The following ATXN10 variants were observed in gnomAD, a reference collection of about 807,000 sequenced individuals.
ATXN10 encodes the protein ataxin-10.
In ATXN10, 28 loss-of-function variants were observed where a neutral mutation model predicts 52.9. The ratio of observed to expected loss-of-function variants is 0.53; its 90% confidence interval spans 0.39 to 0.73. ATXN10 has a LOEUF of 0.73. Ranked by LOEUF, ATXN10 falls within the 30% of genes least tolerant of loss-of-function variation. The pLI, the probability that ATXN10 is intolerant of heterozygous loss-of-function variation, is 0.00. For missense variants in ATXN10, 565 were observed against 577.0 expected, an observed-to-expected ratio of 0.98 and a Z score of 0.21; for synonymous variants, 226 against 221.5, an observed-to-expected ratio of 1.02 and a Z score of -0.18.
At chr22:45,756,303 C>T (rs542083940) in intron 9 of ATXN10, among the ~76,000 whole-genome samples, 1 of 152,246 alleles carries the variant, frequency 6.6e-6, no homozygotes, top group Admixed American at 6.5e-5. Flanking sequence ...CACCACCATG[C>T]CTGGCTAATG....
chr22:45,771,608 G>A (rs1358206413), intron 9 of ATXN10, among the ~76,000 whole-genome samples: 1 of 151,918 alleles, frequency 6.6e-6, no homozygotes, highest in Non-Finnish European at 1.5e-5. Context: ...GTAGAGACAA[G>A]ATTTCACCAT....
In ATXN10 at chr22:45,757,147, G is replaced by A. The variant is rs546190265; in HGVS notation, c.1173+16609G>A. 3.7e-4 allele frequency among the ~76,000 whole-genome samples: 56 copies of A among 152,256 alleles called. 1 individual carries two copies. Among genetic ancestry groups the A allele is most frequent in the Middle Eastern group, 3.4e-3 (1 of 294 alleles). On this transcript the variant is annotated intron_variant, in intron 9 of 11. Coordinates refer to ENST00000252934, the MANE Select transcript of ATXN10 (RefSeq NM_013236.4). This position sits in a 1 kb window ranked among gnomAD's most constrained non-coding sequence, Gnocchi z 4.6. ...TGGGGCTGGGGCTGTGGAGGCGGACGACTGGGGAGTCTGATGGGGAGGTGG... is the reference window on the plus strand; with the variant it reads ...TGGGGCTGGGGCTGTGGAGGCGGACAACTGGGGAGTCTGATGGGGAGGTGG...
intron 10 of ATXN10, among the ~76,000 whole-genome samples, chr22:45,829,856 A>T (rs1235287216): frequency 1.3e-5 from 2 of 152,212 alleles, no homozygotes; most frequent in African/African-American, 4.8e-5. Flanking sequence ...TTTTTTGCAG[A>T]TATAGAAAAA....
chr22:45,757,177 C>T lies in ATXN10; in HGVS notation c.1173+16639C>T, dbSNP rs1444001131. Among the ~76,000 whole-genome samples, 1 of 151,660 alleles carries T rather than the reference C, an allele frequency of 6.6e-6. No individual in the cohort carries two copies. The highest frequency in any genetic ancestry group is 2.4e-5 in the African/African-American group (1 of 41,244). ...GGGAGTCTGATGGGGAGGTGGGTGG[C>T]GGGGGTGTTGACAGGAAAAATCCGA... On this transcript the variant is annotated intron_variant, in intron 9 of 11. Coordinates refer to ENST00000252934, the MANE Select transcript of ATXN10 (RefSeq NM_013236.4). The surrounding 1 kb of genome is among the most constrained non-coding windows in gnomAD (Gnocchi z 4.6).
In ATXN10 at chr22:45,820,904, AG is replaced by A. The variant is rs540585649; in HGVS notation, c.1237+13883del. ...CAGTGGTGGACAGAAGCCAGGGAAA[AG>A]CACGAATAGAAATGGTTCGAGTTTC... On this transcript the variant is annotated intron_variant, in intron 10 of 11. Coordinates refer to ENST00000252934, the MANE Select transcript of ATXN10 (RefSeq NM_013236.4). This position sits in a 1 kb window ranked among gnomAD's most constrained non-coding sequence, Gnocchi z 4.9. 6.6e-5 allele frequency among the ~76,000 whole-genome samples: 10 copies of A among 152,328 alleles called. No homozygotes were observed. The East Asian group carries it at 1.7e-3, about 26-fold the overall frequency.
rs1415734312 is a variant in ATXN10 at position 45,766,162 on chromosome 22, G to A, written c.1173+25624G>A. Among the ~76,000 whole-genome samples, 1 of 152,220 alleles carries A rather than the reference G, an allele frequency of 6.6e-6. No homozygotes were observed. The highest frequency in any genetic ancestry group is 1.5e-5 in the Non-Finnish European group (1 of 68,030). ...TATTTAATAAAAAGTATGGGGACAA[G>A]GATATCCGCTACCTTTAGATCAGGG... On this transcript the variant is annotated intron_variant, in intron 9 of 11. Coordinates refer to ENST00000252934, the MANE Select transcript of ATXN10 (RefSeq NM_013236.4). This position sits in a 1 kb window ranked among gnomAD's most constrained non-coding sequence, Gnocchi z 4.6.
At position 45,754,286 on chromosome 22, in the gene ATXN10, A is replaced by G. The variant is rs529739057; in HGVS notation, c.1173+13748A>G. On this transcript the variant is annotated intron_variant, in intron 9 of 11. Coordinates refer to ENST00000252934, the MANE Select transcript of ATXN10 (RefSeq NM_013236.4). The surrounding 1 kb of genome is among the most constrained non-coding windows in gnomAD (Gnocchi z 5.4). ...GATATTCTTGCTTTCTACCCAGGCA[A>G]CACCTCACATGTTGACTTAACTTGT... 3.1e-4 allele frequency among the ~76,000 whole-genome samples: 47 copies of G among 152,352 alleles called. No individual in the cohort carries two copies. The highest frequency in any genetic ancestry group is 4.4e-4 in the Non-Finnish European group (30 of 68,036).
rs1489675534 is a variant in ATXN10 at position 45,766,057 on chromosome 22, C to A, written c.1173+25519C>A. Among the ~76,000 whole-genome samples, 1 of 152,118 alleles carries A rather than the reference C, an allele frequency of 6.6e-6. No individual in the cohort carries two copies. The highest frequency in any genetic ancestry group is 1.9e-4 in the East Asian group (1 of 5,194). On this transcript the variant is annotated intron_variant, in intron 9 of 11. Coordinates refer to ENST00000252934, the MANE Select transcript of ATXN10 (RefSeq NM_013236.4). The surrounding 1 kb of genome is among the most constrained non-coding windows in gnomAD (Gnocchi z 4.6). Reference sequence around the variant, plus strand: ...GCTAATGGGGCACAGTAGAAAAATGCAGAAATAGATTCAAATGTTTTTGGA... The same window carrying A: ...GCTAATGGGGCACAGTAGAAAAATGAAGAAATAGATTCAAATGTTTTTGGA...
chr22:45,778,077 C>T (rs1017089758), intron 9 of ATXN10, among the ~76,000 whole-genome samples: 7 of 152,124 alleles, frequency 4.6e-5, no homozygotes, highest in African/African-American at 1.2e-4. Context: ...CAGTGGAGAC[C>T]GTATGGTTTG....
intron 5 of ATXN10, among the ~76,000 whole-genome samples, chr22:45,706,078 C>T (rs1383093670): frequency 6.6e-6 from 1 of 152,206 alleles, no homozygotes; most frequent in East Asian, 1.9e-4. Context: ...TGAGGTAGAA[C>T]AGTTTCTTCC....
intron 10 of ATXN10, among the ~76,000 whole-genome samples, chr22:45,810,273 C>T (rs1928238294): frequency 6.6e-6 from 1 of 152,178 alleles, no homozygotes. Flanking sequence ...ATCTTTTTGT[C>T]TATCCCTGCA....
intron 9 of ATXN10, among the ~76,000 whole-genome samples, chr22:45,801,063 T>TA (rs1267918651): frequency 6.6e-6 from 1 of 152,170 alleles, no homozygotes; most frequent in African/African-American, 2.4e-5. Context: ...CCAAAGGGGA[T>TA]AGTGTGTGGA....
chr22:45,785,507 A>G lies in ATXN10; in HGVS notation c.1174-21452A>G, dbSNP rs555511877. Among the ~76,000 whole-genome samples, 34 of 152,368 alleles carry G rather than the reference A, an allele frequency of 2.2e-4. 1 individual carries two copies. The highest frequency in any genetic ancestry group is 6.8e-3 in the Middle Eastern group (2 of 294). ...AAGTACAAATAAAAGATGATATTAA[A>G]TTCTCGCATTTTATTGAGCACTTTC... On this transcript the variant is annotated intron_variant, in intron 9 of 11. Coordinates refer to ENST00000252934, the MANE Select transcript of ATXN10 (RefSeq NM_013236.4).
chr22:45,739,446 A>AAAGATGACTTTTTAAAG (rs1925425026), intron 8 of ATXN10, among the ~76,000 whole-genome samples: 1 of 152,214 alleles, frequency 6.6e-6, no homozygotes, highest in Non-Finnish European at 1.5e-5. Context: ...CTTACTCTGG[A>AAAGATGACTTTTTAAAG]GACCAGTGTC....
At chr22:45,808,126 G>T (rs1346790822) in intron 10 of ATXN10, among the ~76,000 whole-genome samples, 1 of 152,152 alleles carries the variant, frequency 6.6e-6, no homozygotes, top group African/African-American at 2.4e-5. Flanking sequence ...CCTCTGCAGG[G>T]TAAAGCAAAT....
At position 45,807,751 on chromosome 22, in the gene ATXN10, G is replaced by C. The variant is rs184948635; in HGVS notation, c.1237+729G>C. 1.1e-4 allele frequency among the ~76,000 whole-genome samples: 17 copies of C among 152,280 alleles called. 1 individual carries two copies. Among genetic ancestry groups the C allele is most frequent in the Admixed American group, 7.2e-4 (11 of 15,296 alleles). ...CTGTTTAATTTCACGAACTTCCCTG[G>C]TGAAAGCCAAACTTAGCTGTGTCCC... On this transcript the variant is annotated intron_variant, in intron 10 of 11. Coordinates refer to ENST00000252934, the MANE Select transcript of ATXN10 (RefSeq NM_013236.4).
intron 3 of ATXN10, among the ~76,000 whole-genome samples, chr22:45,694,489 A>G (rs891914674): frequency 2.6e-5 from 4 of 151,926 alleles, no homozygotes; most frequent in African/African-American, 9.7e-5. Context: ...CCGTTTCCAA[A>G]AAAATACAAA....
intron 10 of ATXN10, among the ~76,000 whole-genome samples, chr22:45,809,939 C>T (rs1365169068): frequency 2.0e-5 from 3 of 152,080 alleles, no homozygotes; most frequent in African/African-American, 7.2e-5. Context: ...AAATTCATCT[C>T]TTTTCCTTTA....
At chr22:45,796,077 G>T (rs191998628) in intron 9 of ATXN10, among the ~76,000 whole-genome samples, 2 of 152,332 alleles carry the variant, frequency 1.3e-5, no homozygotes, top group African/African-American at 4.8e-5. Flanking sequence ...GTGACTAGGA[G>T]AAATATCGCT....
Sources: allele counts gnomAD v4.1 joint callset (sites outside exome capture counted in the v4.1 genomes callset), GRCh38; gene constraint gnomAD v4.1.1; non-coding constraint Gnocchi (gnomAD v3.1); transcripts MANE v1.5; gene names NCBI Gene and HGNC (gene_info 2026-07-23, HGNC 2026-07-21).